Variants in PARVA observed in about 807,000 individuals in gnomAD.
PARVA encodes alpha-parvin.
A neutral mutation model predicts 52.6 loss-of-function variants in PARVA; 25 were observed. The observed-to-expected ratio is 0.48, with a 90% CI of 0.35 to 0.66. The LOEUF (loss-of-function observed/expected upper bound fraction) is 0.66. Among genes scored for constraint, PARVA ranks in the 30% least tolerant of loss-of-function variants. The pLI is 0.01. For missense variants in PARVA, 373 were observed against 450.9 expected (o/e 0.83, Z 1.56); for synonymous variants, 185 against 179.1 (o/e 1.03, Z -0.26).
chr11:12,414,285 A>G (rs1207511338), intron 1 of PARVA, among the ~76,000 whole-genome samples: 12 of 152,212 alleles, frequency 7.9e-5, no homozygotes, highest in Middle Eastern at 3.2e-3. Flanking sequence ...AGGAGTTTAC[A>G]TTTTACAACA....
intron 10 of PARVA, among the ~76,000 whole-genome samples, chr11:12,515,759 C>A (rs1234596345): frequency 6.6e-6 from 1 of 152,156 alleles, no homozygotes; most frequent in Non-Finnish European, 1.5e-5. Flanking sequence ...GGTCTGCTCT[C>A]CCGTGTCCAC....
rs1165885918 is a variant in PARVA, at chr11:12,534,069, G to A, written c.*6144G>A. Among the ~76,000 whole-genome samples the A allele has an allele frequency of 6.6e-6, 1 of 152,158 alleles. No homozygotes were observed. The highest frequency in any genetic ancestry group is 1.5e-5 in the Non-Finnish European group (1 of 68,040). On this transcript the variant is annotated 3_prime_UTR_variant, in exon 13 of 13. Transcript: ENST00000334956. Reference sequence around the variant, plus strand: ...TGTAATCCCAGCTACTCAGGGGGCTGAGGCAGAAGTATTGCTTGAACCCAG... The same window carrying A: ...TGTAATCCCAGCTACTCAGGGGGCTAAGGCAGAAGTATTGCTTGAACCCAG...
At chr11:12,450,773 G>C (rs972813830) in intron 1 of PARVA, among the ~76,000 whole-genome samples, 27 of 152,144 alleles carry the variant, frequency 1.8e-4, no homozygotes, top group Non-Finnish European at 2.9e-4. Flanking sequence ...TGAAGAACTG[G>C]AGTCTGATGT....
At chr11:12,421,558 G>A (rs1355104586) in intron 1 of PARVA, among the ~76,000 whole-genome samples, 1 of 152,162 alleles carries the variant, frequency 6.6e-6, no homozygotes, top group Non-Finnish European at 1.5e-5. Flanking sequence ...GATAGCCAGA[G>A]GGGCCTCTGT....
At chr11:12,456,239 G>A (rs967595492) in intron 1 of PARVA, among the ~76,000 whole-genome samples, 1 of 152,174 alleles carries the variant, frequency 6.6e-6, no homozygotes, top group African/African-American at 2.4e-5. Flanking sequence ...GCTTACGAAG[G>A]CATGCACTAC....
chr11:12,488,931 T>C (rs770929097), intron 4 of PARVA, among the ~76,000 whole-genome samples: 2 of 151,976 alleles, frequency 1.3e-5, no homozygotes, highest in East Asian at 1.9e-4. Context: ...GACCTCAAAA[T>C]TAGAAATCAC....
chr11:12,417,163 G>C (rs1200380195), intron 1 of PARVA, among the ~76,000 whole-genome samples: 1 of 152,158 alleles, frequency 6.6e-6, no homozygotes, highest in Non-Finnish European at 1.5e-5. Flanking sequence ...TTTTGATCCA[G>C]CAATTCCACC....
At chr11:12,422,223 A>C (rs912672655) in intron 1 of PARVA, among the ~76,000 whole-genome samples, 1 of 151,244 alleles carries the variant, frequency 6.6e-6, no homozygotes, top group African/African-American at 2.4e-5. Flanking sequence ...TACTTAACCC[A>C]TTTCTCTGTG....
intron 1 of PARVA, among the ~76,000 whole-genome samples, chr11:12,395,747 C>G (rs1939733770): frequency 6.6e-6 from 1 of 152,196 alleles, no homozygotes; most frequent in Non-Finnish European, 1.5e-5. Context: ...AATTCTCCAC[C>G]TAAAATCAAC....
At chr11:12,467,481 A>C (rs61292127) in intron 1 of PARVA, among the ~76,000 whole-genome samples, 50,463 of 152,060 alleles carry the variant, frequency 0.33, 8,710 homozygotes, top group East Asian at 0.5. Context: ...CAATTTCTCA[A>C]CATAATGTAT....
intron 3 of PARVA, among the ~76,000 whole-genome samples, chr11:12,476,142 T>G (rs1941011257): frequency 6.6e-6 from 1 of 152,152 alleles, no homozygotes; most frequent in African/African-American, 2.4e-5. Context: ...AATGTTGATC[T>G]CCCAGACCTA....
At chr11:12,388,684 T>G (rs1004304345) in intron 1 of PARVA, among the ~76,000 whole-genome samples, 18 of 152,058 alleles carry the variant, frequency 1.2e-4, no homozygotes, top group African/African-American at 4.3e-4. Flanking sequence ...CTATTCTTCT[T>G]TATTATAATT....
chr11:12,419,266 C>T (rs1400358652), intron 1 of PARVA, among the ~76,000 whole-genome samples: 1 of 152,134 alleles, frequency 6.6e-6, no homozygotes, highest in East Asian at 1.9e-4. Flanking sequence ...CATTAAACAA[C>T]TCCCCATTCT....
intron 1 of PARVA, among the ~76,000 whole-genome samples, chr11:12,383,885 A>AG (rs1322646334): frequency 6.6e-6 from 1 of 152,172 alleles, no homozygotes; most frequent in African/African-American, 2.4e-5. Flanking sequence ...GCATTGTTCA[A>AG]GGGGCACGCC....
intron 1 of PARVA, among the ~76,000 whole-genome samples, chr11:12,391,850 C>G (rs1939664334): frequency 6.6e-6 from 1 of 152,134 alleles, no homozygotes; most frequent in African/African-American, 2.4e-5. Context: ...GGAGTGGGCA[C>G]TTTTTTAATA....
chr11:12,502,269 G>A (rs1941371777), intron 5 of PARVA, among the ~76,000 whole-genome samples: 1 of 152,182 alleles, frequency 6.6e-6, no homozygotes, highest in South Asian at 2.1e-4. Context: ...AAACCCTAAT[G>A]AGTTACAAAG....
chr11:12,458,287 G>T (rs1306535174), intron 1 of PARVA, among the ~76,000 whole-genome samples: 1 of 152,226 alleles, frequency 6.6e-6, no homozygotes, highest in Non-Finnish European at 1.5e-5. Flanking sequence ...GGCCCCAGGA[G>T]TTTTCTCAGG....
At chr11:12,460,503 A>G (rs774205739) in intron 1 of PARVA, among the ~76,000 whole-genome samples, 48 of 152,294 alleles carry the variant, frequency 3.2e-4, no homozygotes, top group South Asian at 1.2e-3. Context: ...CATCATCATC[A>G]TCGATGACAG....
intron 4 of PARVA, among the ~76,000 whole-genome samples, chr11:12,493,827 A>G (rs1450497600): frequency 2.6e-5 from 4 of 152,186 alleles, no homozygotes; most frequent in Admixed American, 6.6e-5. Flanking sequence ...CCAGTTCTCT[A>G]TGGACAGCAA....
Sources: gnomAD v4.1 joint callset for allele counts (sites outside exome capture counted in the v4.1 genomes callset) on GRCh38, gnomAD v4.1.1 for gene constraint, MANE v1.5 for transcripts, NCBI Gene and HGNC (gene_info 2026-07-23, HGNC 2026-07-21) for gene names.